Variants in INTS4 observed in about 807,000 individuals in gnomAD.
INTS4 encodes the protein MSTP093.
Under a neutral mutation model 119.5 loss-of-function variants are expected in INTS4, and 70 were observed. That is an observed-to-expected ratio of 0.59 (90% confidence interval 0.48 to 0.71). The LOEUF (loss-of-function observed/expected upper bound fraction) is 0.71, where lower values mean the gene tolerates loss of function less well. Ranked by LOEUF, INTS4 falls within the 30% of genes least tolerant of loss-of-function variation. The pLI is 0.00. For synonymous variants in INTS4, 316 were observed against 419.6 expected (o/e 0.75, Z 3.02); for missense variants, 867 against 1,173.2 (o/e 0.74, Z 3.81).
intron 8 of INTS4, among the ~76,000 whole-genome samples, chr11:77,950,479 T>G (rs1954163964): frequency 6.6e-6 from 1 of 151,948 alleles, no homozygotes; most frequent in African/African-American, 2.4e-5. Flanking sequence ...AAAGTCACAA[T>G]GAAGAGAAAT....
chr11:77,945,480 G>C (rs1191096351), intron 8 of INTS4, among the ~76,000 whole-genome samples: 1 of 152,140 alleles, frequency 6.6e-6, no homozygotes, highest in Non-Finnish European at 1.5e-5. Flanking sequence ...ATGATCACAT[G>C]ATGGCCTGCA....
chr11:77,980,004 G>GA (rs71046935), intron 3 of INTS4, among the ~76,000 whole-genome samples: 17 of 138,288 alleles, frequency 1.2e-4, no homozygotes, highest in South Asian at 2.3e-4. Flanking sequence ...AGAAGAAACA[G>GA]AAAAAAAAAA....
intron 10 of INTS4, among the ~76,000 whole-genome samples, chr11:77,937,958 G>T (rs1388398830): frequency 6.6e-6 from 1 of 151,978 alleles, no homozygotes; most frequent in African/African-American, 2.4e-5. Flanking sequence ...AGTGATTCTT[G>T]TGTCTGAGCC....
intron 4 of INTS4, among the ~76,000 whole-genome samples, chr11:77,963,977 T>C (rs1193221914): frequency 1.3e-5 from 2 of 152,218 alleles, no homozygotes; most frequent in African/African-American, 2.4e-5. Context: ...GTATTCTGTA[T>C]GCAGATTCTA....
chr11:77,940,700 G>A (rs1953910126), intron 9 of INTS4, among the ~76,000 whole-genome samples: 1 of 152,080 alleles, frequency 6.6e-6, no homozygotes, highest in South Asian at 2.1e-4. Flanking sequence ...GCAGTGGTGC[G>A]ATCTCGGCTC....
intron 15 of INTS4, chr11:77,911,105 G>T: frequency 7.8e-7 from 1 of 1,276,334 alleles, no homozygotes. Flanking sequence ...GTAACGTTAC[G>T]ATAGTTAACG....
intron 22 of INTS4, among the ~76,000 whole-genome samples, chr11:77,880,424 A>T (rs747642906): frequency 6.6e-6 from 1 of 152,218 alleles, no homozygotes; most frequent in African/African-American, 2.4e-5. Flanking sequence ...CAGCCTCATC[A>T]TCAAGTACCA....
chr11:77,879,936 C>CA (rs1417765188), intron 22 of INTS4, among the ~76,000 whole-genome samples: 2 of 152,120 alleles, frequency 1.3e-5, no homozygotes, highest in African/African-American at 2.4e-5. Context: ...ACAATCTTGG[C>CA]AAAAATCCCA....
chr11:77,884,291 T>C (rs1951904421), intron 21 of INTS4, among the ~76,000 whole-genome samples: 1 of 152,228 alleles, frequency 6.6e-6, no homozygotes, highest in South Asian at 2.1e-4. Flanking sequence ...CTCTGAATCA[T>C]ACCATGGCCC....
chr11:77,958,483 A>G (rs540455295), intron 7 of INTS4, among the ~76,000 whole-genome samples: 1 of 152,368 alleles, frequency 6.6e-6, no homozygotes, highest in South Asian at 2.1e-4. Context: ...TTTAAGAAAG[A>G]TATTCCAATT....
At chr11:77,874,957 G>A (rs193060616), downstream of INTS4, among the ~76,000 whole-genome samples, 11 of 151,948 alleles carry the variant, frequency 7.2e-5, no homozygotes, top group Admixed American at 6.6e-4. Flanking sequence ...CAGGAGAATC[G>A]CTGGAACCAG....
chr11:77,982,910 G>A (rs1856304516), intron 2 of INTS4, among the ~76,000 whole-genome samples: 1 of 152,124 alleles, frequency 6.6e-6, no homozygotes, highest in South Asian at 2.1e-4. Context: ...CAGGAGAAGG[G>A]GCAATAGATA....
At chr11:77,898,869 A>G (rs868459110) in intron 18 of INTS4, among the ~76,000 whole-genome samples, 34 of 152,186 alleles carry the variant, frequency 2.2e-4, no homozygotes, top group African/African-American at 8.2e-4. Context: ...AAAATAAAAA[A>G]ATTAGCTGAG....
intron 21 of INTS4, among the ~76,000 whole-genome samples, chr11:77,887,774 A>C (rs968751103): frequency 2.0e-5 from 3 of 152,208 alleles, no homozygotes; most frequent in Non-Finnish European, 4.4e-5. Flanking sequence ...CTTATACGCC[A>C]ATAACAGACA....
intron 2 of INTS4, among the ~76,000 whole-genome samples, chr11:77,990,599 T>C (rs1423356466): frequency 6.8e-6 from 1 of 147,610 alleles, no homozygotes; most frequent in Non-Finnish European, 1.5e-5. Context: ...GGCAGGAGAA[T>C]CGCTTGAACC....
chr11:77,876,402 C>CTT (rs71272225), downstream of INTS4, among the ~76,000 whole-genome samples: 48 of 144,994 alleles, frequency 3.3e-4, no homozygotes, highest in Middle Eastern at 3.6e-3. Context: ...ATAAAAAGGT[C>CTT]TTTTTTTTTT....
At chr11:77,982,116 G>C (rs1261835906) in intron 2 of INTS4, among the ~76,000 whole-genome samples, 2 of 149,846 alleles carry the variant, frequency 1.3e-5, no homozygotes, top group African/African-American at 4.9e-5. Flanking sequence ...TCACCAGAAA[G>C]AATCTTTCAT....
chr11:77,901,176 A>G (rs1463697139), intron 18 of INTS4, among the ~76,000 whole-genome samples: 1 of 152,224 alleles, frequency 6.6e-6, no homozygotes, highest in Non-Finnish European at 1.5e-5. Flanking sequence ...GTGTTGTGCT[A>G]TATGTAATGG....
chr11:77,884,068 T>C, intron 21 of INTS4, 116 bp from the exon 22 acceptor site: 4 of 1,053,400 alleles, frequency 3.8e-6, no homozygotes, highest in Non-Finnish European at 5.5e-6. Flanking sequence ...CCAACTTTAC[T>C]AAGATTGAGC....
Sources: allele counts gnomAD v4.1 joint callset (sites outside exome capture counted in the v4.1 genomes callset), GRCh38; gene constraint gnomAD v4.1.1; transcripts MANE v1.5; gene names NCBI Gene and HGNC (gene_info 2026-07-23, HGNC 2026-07-21).